Variants in HEATR4 observed in about 807,000 individuals in gnomAD.
HEATR4 encodes the protein HEAT repeat-containing protein 4.
Under a neutral mutation model 108.8 loss-of-function variants are expected in HEATR4, and 95 were observed. The ratio of observed to expected loss-of-function variants is 0.87; its 90% confidence interval spans 0.74 to 1.04. The LOEUF is 1.04. HEATR4 is among the 50% of genes least tolerant of loss of function. The pLI is 0.00. For synonymous variants in HEATR4, 443 were observed against 459.4 expected (o/e 0.96, Z 0.46); for missense variants, 1,152 against 1,253.8 (o/e 0.92, Z 1.23).
chr14:73,478,501 T>C lies in HEATR4; in HGVS notation c.*105A>G. ...ATGAGGTCTACTGTTAAATAATTTCTCTTTATAAACATAGTGACAACAAGA... is the reference window on the plus strand; with the variant it reads ...ATGAGGTCTACTGTTAAATAATTTCCCTTTATAAACATAGTGACAACAAGA... On this transcript the variant is annotated 3_prime_UTR_variant, in exon 18 of 18. Coordinates refer to ENST00000553558, the MANE Select transcript of HEATR4 (RefSeq NM_001220484.1). The C allele has an allele frequency of 1.3e-6, 1 of 769,040 alleles. No individual in the cohort carries two copies. Among genetic ancestry groups the C allele is most frequent in the South Asian group, 1.7e-5 (1 of 58,158 alleles). The allele number at this position is 769,040 out of a possible 1,614,324, so 47.6% of individuals were successfully genotyped here.
chr14:73,580,916 G>A, the HEATR4 span: 1 of 151,922 alleles, frequency 6.6e-6, no homozygotes, highest in African/African-American at 2.4e-5. Flanking sequence ...GAGGAGAAAG[G>A]GGGAAAGGAA....
chr14:73,618,409 A>C, the HEATR4 span, among the ~76,000 whole-genome samples: 3 of 146,864 alleles, frequency 2.0e-5, 1 homozygote, highest in African/African-American at 8.2e-5. Flanking sequence ...CCTAGGCCTT[A>C]AACATGCAAG....
the HEATR4 span, chr14:73,612,850 G>A: frequency 7.1e-7 from 1 of 1,418,084 alleles, no homozygotes; most frequent in Middle Eastern, 2.5e-4. Context: ...TGGTGCGGCT[G>A]GTGAAGCGCG....
chr14:73,530,765 T>C (rs1399327991), intron 1 of HEATR4, among the ~76,000 whole-genome samples: 1 of 114,540 alleles, frequency 8.7e-6, no homozygotes, highest in Non-Finnish European at 1.9e-5. Flanking sequence ...GCTGGGAGCA[T>C]AGGCACATAG....
At chr14:73,525,600 AC>A (rs1888276800) in intron 2 of HEATR4, among the ~76,000 whole-genome samples, 1 of 151,946 alleles carries the variant, frequency 6.6e-6, no homozygotes, top group Non-Finnish European at 1.5e-5. Flanking sequence ...GGCCAAACAG[AC>A]CCCTCCAGCG....
At chr14:73,604,265 A>G in the HEATR4 span, among the ~76,000 whole-genome samples, 1 of 146,686 alleles carries the variant, frequency 6.8e-6, no homozygotes, top group South Asian at 2.2e-4. Flanking sequence ...TCTCGGTTCA[A>G]GCAATTCTCC....
chr14:73,523,355 G>A (rs896727114), intron 2 of HEATR4, 131 bp from the exon 3 acceptor site: 9 of 554,224 alleles, frequency 1.6e-5, no homozygotes, highest in Non-Finnish European at 2.8e-5. Context: ...TGAGTTAGAA[G>A]AACAAAAGAA....
chr14:73,619,933 T>TTTCCTGTA, the HEATR4 span: 2 of 1,337,850 alleles, frequency 1.5e-6, no homozygotes, highest in Non-Finnish European at 2.0e-6. Context: ...TTTTTTTTTT[T>TTTCCTGTA]TCCTGTATCA....
Position 73,492,544 on chromosome 14 carries a change from T to A in HEATR4, c.2844+522A>T, listed in dbSNP as rs1341795790. 2 of 1,613,720 alleles carry A rather than the reference T, an allele frequency of 1.2e-6. No homozygotes were observed. The highest frequency in any genetic ancestry group is 1.7e-6 in the Non-Finnish European group (2 of 1,179,828). On this transcript the variant is annotated intron_variant, in intron 17 of 17. Transcript: ENST00000553558. This position sits in a 1 kb window ranked among gnomAD's most constrained non-coding sequence, Gnocchi z 4.9. Reference sequence around the variant, plus strand: ...GAGCCAAAGACTTCATTCACGATTCTCTGCCCCCTGTTTTGACTGATAGGG... The same window carrying A: ...GAGCCAAAGACTTCATTCACGATTCACTGCCCCCTGTTTTGACTGATAGGG...
chr14:73,579,061 G>A, the HEATR4 span, among the ~76,000 whole-genome samples: 6,644 of 148,310 alleles, frequency 0.045, 244 homozygotes, highest in Non-Finnish European at 0.073. Flanking sequence ...CTCTAGCCTA[G>A]GCGACAGCCA....
chr14:73,483,880 T>C (rs1007495817), intron 17 of HEATR4, among the ~76,000 whole-genome samples: 2 of 151,604 alleles, frequency 1.3e-5, no homozygotes, highest in South Asian at 4.2e-4. Context: ...TGAGACGGAG[T>C]CTCATCTCTG....
chr14:73,615,397 AAAAAAAAAAACAAAAAAC>A, the HEATR4 span, among the ~76,000 whole-genome samples: 9 of 141,686 alleles, frequency 6.4e-5, 1 homozygote, highest in South Asian at 2.4e-4. Context: ...ATAAAAAAAA[AAAAAAAAAAACAAAAAAC>A]AAAAAAAACC....
chr14:73,573,569 C>T, the HEATR4 span: 6 of 1,613,618 alleles, frequency 3.7e-6, no homozygotes, highest in Non-Finnish European at 5.1e-6. Context: ...AAGCCATGAA[C>T]TACTTGCTCA....
intron 2 of HEATR4, among the ~76,000 whole-genome samples, chr14:73,526,520 G>T (rs1888345677): frequency 6.6e-6 from 1 of 152,154 alleles, no homozygotes; most frequent in Admixed American, 6.5e-5. Context: ...AGCTCAGGGA[G>T]AGACTCCTAC....
At chr14:73,547,465 T>C (rs1889250338) in intron 1 of HEATR4, among the ~76,000 whole-genome samples, 1 of 115,136 alleles carries the variant, frequency 8.7e-6, no homozygotes, top group Admixed American at 9.8e-5. Context: ...CACCTTGGCA[T>C]CTCCCAAAGT....
intron 17 of HEATR4, among the ~76,000 whole-genome samples, chr14:73,489,649 C>T (rs1034025606): frequency 3.3e-5 from 5 of 152,160 alleles, no homozygotes; most frequent in African/African-American, 4.8e-5. Flanking sequence ...ACAGTGACCA[C>T]GTTCTCAAAA....
chr14:73,492,668 C>G lies in HEATR4; in HGVS notation c.2844+398G>C. ...GACAACAGAAACAGAAGTCCATATGCTTCAGGATGGGATAGCTCGGCTGGT... is the reference window on the plus strand; with the variant it reads ...GACAACAGAAACAGAAGTCCATATGGTTCAGGATGGGATAGCTCGGCTGGT... On this transcript the variant is annotated intron_variant, in intron 17 of 17. Transcript: ENST00000553558. This position sits in a 1 kb window ranked among gnomAD's most constrained non-coding sequence, Gnocchi z 4.9. 2.5e-6 allele frequency: 4 copies of G among 1,613,980 alleles called. No individual in the cohort carries two copies. The highest frequency in any genetic ancestry group is 1.6e-4 in the Middle Eastern group (1 of 6,062).
rs1885864036 is a variant in HEATR4 at position 73,492,786 on chromosome 14, A to G, written c.2844+280T>C. On this transcript the variant is annotated intron_variant, in intron 17 of 17. Coordinates refer to ENST00000553558, the MANE Select transcript of HEATR4 (RefSeq NM_001220484.1). This position sits in a 1 kb window ranked among gnomAD's most constrained non-coding sequence, Gnocchi z 4.9. Reference sequence around the variant, plus strand: ...CCCAAGTGCTTGGAAATATACCCCCAGCAAGCTGATGCCATGGAACTGTTG... The same window carrying G: ...CCCAAGTGCTTGGAAATATACCCCCGGCAAGCTGATGCCATGGAACTGTTG... 6.2e-7 allele frequency: 1 copy of G among 1,613,834 alleles called. No individual in the cohort carries two copies. The highest frequency in any genetic ancestry group is 1.7e-5 in the Admixed American group (1 of 59,976).
At chr14:73,593,285 G>A in the HEATR4 span, among the ~76,000 whole-genome samples, 1 of 150,964 alleles carries the variant, frequency 6.6e-6, no homozygotes, top group Non-Finnish European at 1.5e-5. Context: ...CCAGAGGGCT[G>A]ATGCAACAGA....
Sources: gnomAD v4.1 joint callset for allele counts (sites outside exome capture counted in the v4.1 genomes callset) on GRCh38, gnomAD v4.1.1 for gene constraint, Gnocchi (gnomAD v3.1) non-coding constraint, MANE v1.5 for transcripts, NCBI Gene and HGNC (gene_info 2026-07-23, HGNC 2026-07-21) for gene names.